Variants in DMRT1 observed in about 807,000 individuals in gnomAD.
DMRT1 encodes the protein doublesex and mab-3 related transcription factor 1, also known as doublesex- and mab-3-related transcription factor 1.
A neutral mutation model predicts 32.3 loss-of-function variants in DMRT1; 7 were observed. That is an observed-to-expected ratio of 0.22 (90% CI 0.12 to 0.41). The LOEUF is 0.41. Among genes scored for constraint, DMRT1 ranks in the 10% least tolerant of loss-of-function variants. The pLI is 1.00. For synonymous variants in DMRT1, 278 were observed against 206.1 expected (o/e 1.35, Z -2.99); for missense variants, 625 against 500.5 (o/e 1.25, Z -2.37).
intron 2 of DMRT1, among the ~76,000 whole-genome samples, chr9:865,768 A>T (rs1321947466): frequency 1.3e-5 from 2 of 152,216 alleles, no homozygotes; most frequent in Non-Finnish European, 2.9e-5. Context: ...AAACCGTCCC[A>T]TTAGAATATA....
At chr9:911,412 G>A (rs1028775588) in intron 3 of DMRT1, among the ~76,000 whole-genome samples, 8 of 148,578 alleles carry the variant, frequency 5.4e-5, no homozygotes, top group Non-Finnish European at 1.2e-4. Flanking sequence ...TTAGAAGAGA[G>A]CAGGAAGTAA....
At chr9:959,843 T>C (rs1819715225) in intron 4 of DMRT1, among the ~76,000 whole-genome samples, 1 of 152,214 alleles carries the variant, frequency 6.6e-6, no homozygotes, top group African/African-American at 2.4e-5. Context: ...AAACTGGTTT[T>C]AGACTTGAGA....
rs780106632 is a variant in DMRT1, at chr9:847,135, C to T, written c.530C>T (p.Ala177Val). The change falls in exon 2 of 5, where the codon GCA becomes GTA. Residue 177 changes from alanine to valine, a missense_variant. This residue lies in a region of DMRT1 where 416 missense variants were observed against 321.6 expected (regional missense o/e 1.29). Transcript: ENST00000382276. ...QPPPASVPTT[A>V]ASEGRMVIQD... ...CCGCCGGCCAGTGTCCCCACCACTG[C>T]AGCTTCAGGTAATCTGGAGGGGCTG... is the stretch of plus-strand genomic sequence containing the variant. 1.4e-5 allele frequency: 22 copies of T among 1,612,686 alleles called. No individual in the cohort carries two copies. The South Asian group carries it at 2.3e-4, about 17-fold the overall frequency.
rs562655122 is a variant in DMRT1 at position 864,690 on chromosome 9, C to T, written c.538+17547C>T. 3.2e-3 allele frequency among the ~76,000 whole-genome samples: 485 copies of T among 151,170 alleles called. 2 individuals are homozygous for T. Among genetic ancestry groups the T allele is most frequent in the African/African-American group, 0.011 (438 of 41,048 alleles). ...ATTTTTTTTGTATTTTTAGTAGAGA[C>T]AGGGTTTCACCATGTTAGCCAGGAT... On this transcript the variant is annotated intron_variant, in intron 2 of 4. Coordinates refer to ENST00000382276, the MANE Select transcript of DMRT1 (RefSeq NM_021951.3).
At chr9:869,368 A>G (rs991209087) in intron 2 of DMRT1, among the ~76,000 whole-genome samples, 4 of 152,200 alleles carry the variant, frequency 2.6e-5, no homozygotes, top group Non-Finnish European at 5.9e-5. Context: ...AGGTGTACTC[A>G]TCTGCACCTT....
In DMRT1 at chr9:910,909, T is replaced by TA. The variant is rs1215581040; in HGVS notation, c.823-5845dup. ...TATTTATTTGCTTAGCTTGAAGGAA[T>TA]AAAAAAAAACCTTGAGAGGAAACAA... On this transcript the variant is annotated intron_variant, in intron 3 of 4. Transcript: ENST00000382276. Among the ~76,000 whole-genome samples the TA allele has an allele frequency of 1.5e-4, 22 of 151,430 alleles. No homozygotes were observed. The East Asian group carries it at 2.5e-3, about 17-fold the overall frequency.
chr9:942,658 A>T (rs1055534187), intron 4 of DMRT1, among the ~76,000 whole-genome samples: 1 of 152,174 alleles, frequency 6.6e-6, no homozygotes. Context: ...CTGGAGGTAC[A>T]TCTCAAGTTT....
chr9:893,502 C>T (rs566538437), intron 2 of DMRT1, among the ~76,000 whole-genome samples: 1 of 152,364 alleles, frequency 6.6e-6, no homozygotes, highest in Admixed American at 6.5e-5. Context: ...TTCACCTAAA[C>T]TCTTGGCCAC....
chr9:859,902 A>T (rs982232271), intron 2 of DMRT1, among the ~76,000 whole-genome samples: 1 of 152,252 alleles, frequency 6.6e-6, no homozygotes, highest in African/African-American at 2.4e-5. Context: ...ATCCATTGCC[A>T]TTCAGCATAT....
intron 2 of DMRT1, among the ~76,000 whole-genome samples, chr9:852,769 G>C (rs1247988726): frequency 1.3e-5 from 2 of 152,176 alleles, no homozygotes; most frequent in Non-Finnish European, 2.9e-5. Context: ...CCCCTGGGCA[G>C]CTCCAGCCTC....
rs183030441 is a variant in DMRT1, at chr9:889,803, G to A, written c.539-4109G>A. Among the ~76,000 whole-genome samples, 5 of 152,292 alleles carry A rather than the reference G, an allele frequency of 3.3e-5. No homozygotes were observed. In the East Asian group the frequency reaches 9.6e-4, roughly 29 times the overall value. ...TTTTTTAAGAAGCTTGCTTTTGAAA[G>A]GCAGGCCTTAAGTGGGAGGTATTCA... On this transcript the variant is annotated intron_variant, in intron 2 of 4. Transcript: ENST00000382276.
intron 1 of DMRT1, 68 bp downstream of exon 1, chr9:842,260 A>C: frequency 1.5e-6 from 2 of 1,374,056 alleles, no homozygotes; most frequent in Non-Finnish European, 1.9e-6. Flanking sequence ...TTTTAGATGG[A>C]GTCTCGCTCG....
rs553871822 is a variant in DMRT1, at chr9:928,777, C to T, written c.967+11870C>T. 4.0e-5 allele frequency among the ~76,000 whole-genome samples: 6 copies of T among 151,836 alleles called. No individual in the cohort carries two copies. In the Middle Eastern group the frequency reaches 0.01, roughly 258 times the overall value. ...TACAACAACAAATGTTTAGTATAAG[C>T]ATGTTATGAATATTTTATTATACTA... is the stretch of plus-strand genomic sequence containing the variant. On this transcript the variant is annotated intron_variant, in intron 4 of 4. Coordinates refer to ENST00000382276, the MANE Select transcript of DMRT1 (RefSeq NM_021951.3).
intron 2 of DMRT1, among the ~76,000 whole-genome samples, chr9:863,652 T>A (rs1395543569): frequency 6.6e-6 from 1 of 152,174 alleles, no homozygotes; most frequent in Non-Finnish European, 1.5e-5. Context: ...ACAGACACCT[T>A]GACAGAGACT....
chr9:967,899 T>C (rs1819981821), intron 4 of DMRT1, 86 bp from the exon 5 acceptor site: 3 of 1,282,134 alleles, frequency 2.3e-6, no homozygotes, highest in Non-Finnish European at 2.2e-6. Flanking sequence ...TGTAACCTAA[T>C]TGAATAATGA....
chr9:962,794 G>T (rs373377097), intron 4 of DMRT1, among the ~76,000 whole-genome samples: 1 of 152,126 alleles, frequency 6.6e-6, no homozygotes, highest in Non-Finnish European at 1.5e-5. Flanking sequence ...CTCTGTAAGT[G>T]GGGGAGTAAG....
intron 2 of DMRT1, among the ~76,000 whole-genome samples, chr9:890,083 G>GGGTTTTTTTTTTTTTTTTTTTTTT (rs1273507545): frequency 9.2e-6 from 1 of 108,886 alleles, no homozygotes; most frequent in Non-Finnish European, 2.0e-5. Context: ...GCCACCAAAC[G>GGGTTTTTTTTTTTTTTTTTTTTTT]TGTTTTTTTT....
In DMRT1 at chr9:951,933, G is replaced by A. The variant is rs141821708; in HGVS notation, c.968-16052G>A. Among the ~76,000 whole-genome samples, 374 of 152,294 alleles carry A rather than the reference G, an allele frequency of 2.5e-3. 2 individuals are homozygous for A. Among genetic ancestry groups the A allele is most frequent in the South Asian group, 7.3e-3 (35 of 4,826 alleles). ...TCTCTTCTTACAGGAAGGGAGGGGG[G>A]CCAGTGTCCATTCAATGCCTGTTTT... On this transcript the variant is annotated intron_variant, in intron 4 of 4. Coordinates refer to ENST00000382276, the MANE Select transcript of DMRT1 (RefSeq NM_021951.3).
At chr9:916,606 A>G (rs1818191256) in intron 3 of DMRT1, among the ~76,000 whole-genome samples, 157 bp from the exon 4 acceptor site, 1 of 152,196 alleles carries the variant, frequency 6.6e-6, no homozygotes, top group South Asian at 2.1e-4. Flanking sequence ...TCCTGGGCTC[A>G]AGCGATCCTC....
Sources: gnomAD v4.1 joint callset for allele counts (sites outside exome capture counted in the v4.1 genomes callset) on GRCh38, gnomAD v4.1.1 for gene constraint, gnomAD v4.1.1 regional missense constraint, MANE v1.5 for transcripts, NCBI Gene and HGNC (gene_info 2026-07-23, HGNC 2026-07-21) for gene names.